The following CFAP77 variants were observed in gnomAD, a reference collection of about 807,000 sequenced individuals.
CFAP77 encodes the protein cilia- and flagella-associated protein 77.
In CFAP77, 25 loss-of-function variants were observed where a neutral mutation model predicts 31.1. That is an observed-to-expected ratio of 0.80 (90% CI 0.59 to 1.12). The LOEUF is 1.12. Ranked by LOEUF, CFAP77 falls within the 50% of genes most tolerant of loss-of-function variation. The pLI, the probability that CFAP77 is intolerant of heterozygous loss-of-function variation, is 0.00. For missense variants in CFAP77, 377 were observed against 397.3 expected (o/e 0.95, Z 0.44); for synonymous variants, 151 against 159.9 (o/e 0.94, Z 0.42).
intron 3 of CFAP77, among the ~76,000 whole-genome samples, chr9:132,532,059 G>A (rs1757258488): frequency 1.3e-5 from 2 of 152,180 alleles, no homozygotes; most frequent in African/African-American, 2.4e-5. Context: ...CAGAAGCATG[G>A]GGTGTGTAAT....
intron 3 of CFAP77, among the ~76,000 whole-genome samples, chr9:132,521,669 G>A (rs1486530795): frequency 1.3e-5 from 2 of 152,006 alleles, no homozygotes; most frequent in African/African-American, 2.4e-5. Flanking sequence ...GAGGGGGTAG[G>A]AGAGGGACTG....
intron 3 of CFAP77, among the ~76,000 whole-genome samples, chr9:132,505,593 GA>G (rs1034282871): frequency 4.0e-5 from 6 of 151,130 alleles, no homozygotes; most frequent in African/African-American, 1.2e-4. Flanking sequence ...GTAATTAAAG[GA>G]AAAAAAAAGG....
At position 132,513,973 on chromosome 9, in the gene CFAP77, C is replaced by T. The variant is rs1195126221; in HGVS notation, c.524+14373C>T. ...GATGACAGTGAGGAGATCTCCCTCC[C>T]GTGTCCCTGACCATGGGTGACAGTG... is the stretch of plus-strand genomic sequence containing the variant. On this transcript the variant is annotated intron_variant, in intron 3 of 5. Transcript: ENST00000393216. Among the ~76,000 whole-genome samples, 31 of 93,420 alleles carry T rather than the reference C, an allele frequency of 3.3e-4. 1 individual carries two copies. Among genetic ancestry groups the T allele is most frequent in the Admixed American group, 2.9e-3 (27 of 9,442 alleles). 61.3% of individuals were successfully genotyped at this position (93,420 alleles called of 152,430 possible).
chr9:132,526,628 G>C (rs951493012), intron 3 of CFAP77, among the ~76,000 whole-genome samples: 3 of 145,960 alleles, frequency 2.1e-5, no homozygotes, highest in Admixed American at 1.4e-4. Context: ...AAGAAAAAAA[G>C]AGAGAAGAAT....
At chr9:132,425,220 CGGCCTGA>C (rs1244376140) in intron 1 of CFAP77, among the ~76,000 whole-genome samples, 1 of 152,172 alleles carries the variant, frequency 6.6e-6, no homozygotes, top group Non-Finnish European at 1.5e-5. Flanking sequence ...CAATACTCAG[CGGCCTGA>C]GGTTCTAATT....
At chr9:132,486,501 C>T (rs1170219076) in intron 1 of CFAP77, among the ~76,000 whole-genome samples, 1 of 152,220 alleles carries the variant, frequency 6.6e-6, no homozygotes, top group Admixed American at 6.5e-5. Flanking sequence ...CTGCTTCCTG[C>T]GAGTGACCTG....
intron 4 of CFAP77, among the ~76,000 whole-genome samples, chr9:132,541,958 T>G (rs1394723902): frequency 6.6e-6 from 1 of 152,086 alleles, no homozygotes; most frequent in African/African-American, 2.4e-5. Context: ...AGAGGAAACA[T>G]AAGCCTGGTG....
chr9:132,566,478 C>A (rs556755435), intron 5 of CFAP77, among the ~76,000 whole-genome samples: 6 of 152,212 alleles, frequency 3.9e-5, no homozygotes, highest in Non-Finnish European at 8.8e-5. Context: ...CCTAGCATTG[C>A]TGTTGACAAG....
intron 1 of CFAP77, among the ~76,000 whole-genome samples, chr9:132,486,017 T>TACATAC (rs1851536958): frequency 1.2e-4 from 5 of 40,932 alleles, no homozygotes. Context: ...TATATATATA[T>TACATAC]ATATATATAT....
chr9:132,486,105 T>A (rs1851552928), intron 1 of CFAP77, among the ~76,000 whole-genome samples: 1 of 103,306 alleles, frequency 9.7e-6, no homozygotes, highest in South Asian at 3.0e-4. Flanking sequence ...TTTTTTTTTT[T>A]TTTTTGAGAC....
intron 5 of CFAP77, among the ~76,000 whole-genome samples, chr9:132,546,688 G>GCATT (rs1193812331): frequency 6.6e-6 from 1 of 152,208 alleles, no homozygotes; most frequent in Non-Finnish European, 1.5e-5. Context: ...CCCCCACTGT[G>GCATT]CATTCCCTCC....
chr9:132,410,382 C>T lies in CFAP77; in HGVS notation c.111C>T (p.Thr37=), dbSNP rs563875276. The change falls in exon 1 of 6, where the codon ACC becomes ACT. Residue 37 remains threonine (T), a synonymous_variant. Transcript: ENST00000393216. ...GCCCGCCCCCGCGGCGGCCCCTGAC[C>T]GTGGCGGACATCCGTTCCGGCATGG... ...QVCPPPRRPL[T]VADIRSGMEN... is the part of the protein sequence containing the mutation. 15 of 1,600,222 alleles carry T rather than the reference C, an allele frequency of 9.4e-6. No homozygotes were observed. In the East Asian group the frequency reaches 1.4e-4, roughly 15 times the overall value.
At chr9:132,414,318 G>T (rs1477132084) in intron 1 of CFAP77, among the ~76,000 whole-genome samples, 1 of 152,212 alleles carries the variant, frequency 6.6e-6, no homozygotes, top group African/African-American at 2.4e-5. Flanking sequence ...TGGGGGCATA[G>T]AAACAAGTTT....
At chr9:132,513,717 C>T (rs985502241) in intron 3 of CFAP77, among the ~76,000 whole-genome samples, 21 of 152,140 alleles carry the variant, frequency 1.4e-4, no homozygotes, top group African/African-American at 4.1e-4. Context: ...AGGCCCCCAC[C>T]GGCACCCTGG....
Position 132,517,751 on chromosome 9 carries a change from C to T in CFAP77, c.524+18151C>T, listed in dbSNP as rs1364934605. Among the ~76,000 whole-genome samples the T allele has an allele frequency of 1.3e-5, 2 of 152,246 alleles. No individual in the cohort carries two copies. Among genetic ancestry groups the T allele is most frequent in the African/African-American group, 2.4e-5 (1 of 41,476 alleles). On this transcript the variant is annotated intron_variant, in intron 3 of 5. Coordinates refer to ENST00000393216, the MANE Select transcript of CFAP77 (RefSeq NM_001282957.2). The surrounding 1 kb of genome is among the most constrained non-coding windows in gnomAD (Gnocchi z 4.7). ...CGCACCGGCAAATCAGAGCTGTCAG[C>T]CCTCATCCCCCGCACACACAAAGTG...
chr9:132,433,839 C>T (rs1173326257), intron 1 of CFAP77, among the ~76,000 whole-genome samples: 1 of 152,114 alleles, frequency 6.6e-6, no homozygotes, highest in African/African-American at 2.4e-5. Context: ...TGAGCCACCT[C>T]TACCAACCTA....
intron 3 of CFAP77, among the ~76,000 whole-genome samples, chr9:132,507,345 A>C (rs1435230909): frequency 6.6e-6 from 1 of 152,206 alleles, no homozygotes; most frequent in Non-Finnish European, 1.5e-5. Context: ...CAACCTGAGT[A>C]GCATCCTTAG....
chr9:132,456,016 G>A (rs867772489), intron 1 of CFAP77, among the ~76,000 whole-genome samples: 50 of 152,154 alleles, frequency 3.3e-4, no homozygotes, highest in African/African-American at 7.5e-4. Context: ...TGGCACTGCC[G>A]TGGCGATTCA....
At chr9:132,438,541 ATTTTTT>A (rs10641294) in intron 1 of CFAP77, among the ~76,000 whole-genome samples, 4 of 108,154 alleles carry the variant, frequency 3.7e-5, no homozygotes, top group South Asian at 3.0e-4. Flanking sequence ...ATATATATAT[ATTTTTT>A]TTTTTTTTTT....
Sources: allele counts gnomAD v4.1 joint callset (sites outside exome capture counted in the v4.1 genomes callset), GRCh38; gene constraint gnomAD v4.1.1; non-coding constraint Gnocchi (gnomAD v3.1); transcripts MANE v1.5; gene names NCBI Gene and HGNC (gene_info 2026-07-23, HGNC 2026-07-21).